Variants in CADPS2 observed in about 807,000 individuals in gnomAD.
CADPS2 encodes the protein calcium-dependent secretion activator 2.
Under a neutral mutation model 172.5 loss-of-function variants are expected in CADPS2, and 93 were observed. The observed-to-expected ratio is 0.54, with a 90% CI of 0.46 to 0.64. CADPS2 has a LOEUF of 0.64. Ranked by LOEUF, CADPS2 falls within the 30% of genes least tolerant of loss-of-function variation. The probability of loss-of-function intolerance (pLI) is 0.00; values close to 1 mark genes in which losing one functional copy is unlikely to be tolerated. For synonymous variants in CADPS2, 546 were observed against 555.2 expected (o/e 0.98, Z 0.23); for missense variants, 1,420 against 1,565.9 (o/e 0.91, Z 1.57).
At chr7:122,744,565 G>T (rs1359478344) in intron 1 of CADPS2, among the ~76,000 whole-genome samples, 1 of 152,114 alleles carries the variant, frequency 6.6e-6, no homozygotes, top group East Asian at 1.9e-4. Flanking sequence ...AAGCTGGCTG[G>T]ATATAGATTG....
chr7:122,449,740 A>G (rs568346119), intron 15 of CADPS2, among the ~76,000 whole-genome samples: 46 of 152,332 alleles, frequency 3.0e-4, no homozygotes, highest in African/African-American at 8.7e-4. Context: ...TTAACTCTGT[A>G]AGTTGAATTC....
At chr7:122,469,823 C>CTGTG (rs71726905) in intron 14 of CADPS2, among the ~76,000 whole-genome samples, 74 of 148,636 alleles carry the variant, frequency 5.0e-4, no homozygotes, top group Middle Eastern at 6.9e-3. Context: ...AGGTGTGTGT[C>CTGTG]TGTGTGTGTG....
intron 1 of CADPS2, among the ~76,000 whole-genome samples, chr7:122,809,047 G>C (rs1799421418): frequency 6.6e-6 from 1 of 152,074 alleles, no homozygotes; most frequent in Non-Finnish European, 1.5e-5. Flanking sequence ...GTATCCCCTT[G>C]TTACCAAAAC....
intron 1 of CADPS2, among the ~76,000 whole-genome samples, chr7:122,852,764 G>A (rs529450265): frequency 1.3e-5 from 2 of 152,124 alleles, no homozygotes; most frequent in Admixed American, 6.5e-5. Flanking sequence ...AAACACTTAC[G>A]CTTTTACTGG....
chr7:122,818,868 C>T (rs1443091008), intron 1 of CADPS2, among the ~76,000 whole-genome samples: 1 of 152,182 alleles, frequency 6.6e-6, no homozygotes, highest in Admixed American at 6.5e-5. Flanking sequence ...CAGCTCATGA[C>T]TTGTTTGGCA....
chr7:122,427,659 T>A (rs1159959439), intron 17 of CADPS2, among the ~76,000 whole-genome samples: 1 of 152,224 alleles, frequency 6.6e-6, no homozygotes, highest in Non-Finnish European at 1.5e-5. Context: ...TAGATGGATC[T>A]GACCCTATGC....
chr7:122,865,988 G>T (rs2141379871), intron 1 of CADPS2, among the ~76,000 whole-genome samples: 1 of 152,278 alleles, frequency 6.6e-6, no homozygotes, highest in East Asian at 1.9e-4. Flanking sequence ...ATCTTATTTT[G>T]ATGTTGGAAG....
At chr7:122,691,623 A>AT (rs1386434505) in intron 2 of CADPS2, among the ~76,000 whole-genome samples, 1 of 152,218 alleles carries the variant, frequency 6.6e-6, no homozygotes, top group Non-Finnish European at 1.5e-5. Context: ...TGATGAGGCT[A>AT]TGCATATAGT....
intron 8 of CADPS2, among the ~76,000 whole-genome samples, chr7:122,522,276 A>T (rs2060865376): frequency 1.3e-5 from 2 of 152,008 alleles, no homozygotes; most frequent in South Asian, 4.2e-4. Context: ...CACCATACCC[A>T]GCTAATTTTT....
At chr7:122,876,348 G>T (rs1821201568) in intron 1 of CADPS2, among the ~76,000 whole-genome samples, 1 of 152,064 alleles carries the variant, frequency 6.6e-6, no homozygotes, top group Admixed American at 6.6e-5. Context: ...AGGGAATCCA[G>T]CAAATCTAAT....
chr7:122,848,131 A>C (rs1185629779), intron 1 of CADPS2, among the ~76,000 whole-genome samples: 3 of 152,172 alleles, frequency 2.0e-5, no homozygotes, highest in Non-Finnish European at 4.4e-5. Context: ...TAGAATACTC[A>C]ACATTTTGCC....
chr7:122,406,438 T>C (rs35168749), intron 20 of CADPS2, among the ~76,000 whole-genome samples: 6,289 of 152,206 alleles, frequency 0.041, 232 homozygotes, highest in Non-Finnish European at 0.057. Flanking sequence ...AAGAAGTTCC[T>C]TGGAGAGTCA....
At chr7:122,773,480 G>T (rs923629963) in intron 1 of CADPS2, among the ~76,000 whole-genome samples, 1 of 151,932 alleles carries the variant, frequency 6.6e-6, no homozygotes, top group African/African-American at 2.4e-5. Context: ...CTTCGGAAAA[G>T]ATAGAAAAGA....
chr7:122,551,612 T>G (rs1009508893), intron 8 of CADPS2, among the ~76,000 whole-genome samples: 3 of 152,094 alleles, frequency 2.0e-5, no homozygotes, highest in African/African-American at 7.2e-5. Flanking sequence ...TTTCAAAGTC[T>G]AAAGTGCTCT....
chr7:122,347,577 T>A (rs2037878451), intron 27 of CADPS2, among the ~76,000 whole-genome samples: 1 of 152,166 alleles, frequency 6.6e-6, no homozygotes, highest in Non-Finnish European at 1.5e-5. Context: ...TTTACTGGTC[T>A]CTCCTTCAGT....
At chr7:122,837,030 A>G (rs1240326212) in intron 1 of CADPS2, among the ~76,000 whole-genome samples, 4 of 152,232 alleles carry the variant, frequency 2.6e-5, no homozygotes, top group African/African-American at 7.2e-5. Flanking sequence ...AGTTGGAAGT[A>G]AAGCACTCCT....
chr7:122,350,141 C>A (rs1187556321), intron 27 of CADPS2, among the ~76,000 whole-genome samples: 1 of 152,102 alleles, frequency 6.6e-6, no homozygotes, highest in Non-Finnish European at 1.5e-5. Flanking sequence ...TGATTATCTG[C>A]TTGCTTTGTA....
chr7:122,836,036 C>T (rs916318073), intron 1 of CADPS2, among the ~76,000 whole-genome samples: 8 of 152,130 alleles, frequency 5.3e-5, no homozygotes, highest in Non-Finnish European at 1.0e-4. Context: ...AGAGAAAGGT[C>T]GGGTTACCCA....
In CADPS2 at chr7:122,319,974, AAAAG is replaced by A; in HGVS notation, c.*187_*190del. The A allele has an allele frequency of 2.1e-6, 1 of 479,600 alleles. No homozygotes were observed. Among genetic ancestry groups the A allele is most frequent in the Non-Finnish European group, 3.4e-6 (1 of 296,490 alleles). 29.7% of individuals were successfully genotyped at this position (479,600 alleles called of 1,614,324 possible). A position where few individuals can be genotyped will look rare whatever the true frequency, so the allele number is the denominator to read the frequency against. Reference sequence around the variant, plus strand: ...AAAAACAAACAAACAAACAAACAAAAAAAGGAAACAAAAAAACCCCAAAATCTTG... The same window carrying A: ...AAAAACAAACAAACAAACAAACAAAAGAAACAAAAAAACCCCAAAATCTTG... On this transcript the variant is annotated 3_prime_UTR_variant, in exon 30 of 30. Coordinates refer to ENST00000449022, the MANE Select transcript of CADPS2 (RefSeq NM_017954.11).
Sources: allele counts gnomAD v4.1 joint callset (sites outside exome capture counted in the v4.1 genomes callset), GRCh38; gene constraint gnomAD v4.1.1; transcripts MANE v1.5; gene names NCBI Gene and HGNC (gene_info 2026-07-23, HGNC 2026-07-21).